Variants in OXR1 observed in about 807,000 individuals in gnomAD.
OXR1 encodes oxidation resistance protein 1.
A neutral mutation model predicts 104.6 loss-of-function variants in OXR1; 41 were observed. That is an observed-to-expected ratio of 0.39 (90% CI 0.31 to 0.51). The LOEUF is 0.51. Ranked by LOEUF, OXR1 falls within the 20% of genes least tolerant of loss-of-function variation. OXR1 has a pLI of 0.77. For synonymous variants in OXR1, 348 were observed against 348.4 expected, an observed-to-expected ratio of 1.00 and a Z score of 0.01; for missense variants, 955 against 1,031.9, an observed-to-expected ratio of 0.93 and a Z score of 1.02.
At position 106,684,309 on chromosome 8, in the gene OXR1, G is replaced by A. The variant is rs138903311; in HGVS notation, c.475G>A (p.Val159Ile). The change falls in exon 6 of 17, where the codon GTA (valine) becomes ATA (isoleucine). Residue 159 changes from valine to isoleucine, a missense_variant. By Grantham distance (29) the Val-to-Ile change is conservative. This residue lies in a region of OXR1 where 849 missense variants were observed against 852.9 expected (regional missense o/e 1.00). Coordinates refer to ENST00000517566, the MANE Select transcript of OXR1 (RefSeq NM_001198533.2). ...SVESSPSLSP[V>I]SPLSPTSSEA... The stretch of plus-strand genomic sequence containing the variant: ...TGAGAGCTCTCCATCTCTAAGCCCC[G>A]TAAGTCCTCTGTCACCAACATCATC... 8.1e-5 allele frequency: 130 copies of A among 1,610,370 alleles called. No homozygotes were observed. The African/African-American group carries it at 1.3e-3, about 16-fold the overall frequency.
chr8:106,458,765 A>G (rs987646190), intron 2 of OXR1, among the ~76,000 whole-genome samples: 6 of 152,186 alleles, frequency 3.9e-5, no homozygotes, highest in Non-Finnish European at 4.4e-5. Flanking sequence ...TTCTGGAACT[A>G]TGAGGCAATG....
intron 2 of OXR1, among the ~76,000 whole-genome samples, chr8:106,500,548 T>C (rs1297901629): frequency 6.6e-6 from 1 of 152,188 alleles, no homozygotes. Flanking sequence ...AAATTGTGCA[T>C]TCAGGGAGCT....
chr8:106,680,377 T>C (rs183100512), intron 4 of OXR1, among the ~76,000 whole-genome samples: 2 of 152,276 alleles, frequency 1.3e-5, no homozygotes, highest in African/African-American at 4.8e-5. Flanking sequence ...AATTTAGATA[T>C]ATACATGTTT....
chr8:106,316,846 TTTTA>T (rs778674973), intron 1 of OXR1, among the ~76,000 whole-genome samples: 1 of 151,866 alleles, frequency 6.6e-6, no homozygotes, highest in African/African-American at 2.4e-5. Flanking sequence ...TAAGGTCTGA[TTTTA>T]TTTATTTATT....
intron 3 of OXR1, among the ~76,000 whole-genome samples, chr8:106,617,260 T>G (rs567340612): frequency 6.6e-6 from 1 of 152,150 alleles, no homozygotes; most frequent in African/African-American, 2.4e-5. Context: ...CCATCTCTAC[T>G]AAAAATACAA....
intron 3 of OXR1, chr8:106,618,214 A>T (rs1821402281): frequency 1.3e-6 from 2 of 1,511,348 alleles, no homozygotes; most frequent in Non-Finnish European, 1.8e-6. Flanking sequence ...AGTGGCTTTA[A>T]ATAAGTTATT....
chr8:106,409,329 G>T (rs1818369038), intron 2 of OXR1, among the ~76,000 whole-genome samples: 1 of 152,144 alleles, frequency 6.6e-6, no homozygotes, highest in African/African-American at 2.4e-5. Flanking sequence ...GCTGGTCATT[G>T]TGGCTGGTGC....
At chr8:106,389,340 T>C (rs936090734) in intron 2 of OXR1, among the ~76,000 whole-genome samples, 31 of 152,364 alleles carry the variant, frequency 2.0e-4, no homozygotes, top group Middle Eastern at 3.4e-3. Flanking sequence ...AGTTAAATTC[T>C]GTGAAACGCC....
intron 1 of OXR1, among the ~76,000 whole-genome samples, chr8:106,317,642 C>T (rs750867740): frequency 2.6e-5 from 4 of 152,054 alleles, no homozygotes; most frequent in Non-Finnish European, 5.9e-5. Context: ...AACAGGGGGG[C>T]CCCTCTCCCA....
rs192305969 is a variant in OXR1 at position 106,383,271 on chromosome 8, A to G, written c.23+23635A>G. Among the ~76,000 whole-genome samples the G allele has an allele frequency of 1.0e-3, 158 of 152,284 alleles. 1 individual carries two copies. The highest frequency in any genetic ancestry group is 3.6e-3 in the African/African-American group (148 of 41,570). On this transcript the variant is annotated intron_variant, in intron 2 of 16. Coordinates refer to ENST00000517566, the MANE Select transcript of OXR1 (RefSeq NM_001198533.2). Reference sequence around the variant, plus strand: ...ATTAAAGTTGTTTTTATATTTCTCTATGTAAAGTTTCCATGAGTTTCACAT... The same window carrying G: ...ATTAAAGTTGTTTTTATATTTCTCTGTGTAAAGTTTCCATGAGTTTCACAT...
intron 3 of OXR1, among the ~76,000 whole-genome samples, chr8:106,580,284 A>C (rs1818137125): frequency 6.6e-6 from 1 of 152,156 alleles, no homozygotes; most frequent in Non-Finnish European, 1.5e-5. Context: ...GTTTCTATGA[A>C]TTTGACCACT....
rs548333476 is a variant in OXR1, at chr8:106,322,963, A to G, written c.-138-36513A>G. ...ATCATTAAAATGGCTATACTGCCCA[A>G]AGCAATTTATAGATTCAGTGCTATT... On this transcript the variant is annotated intron_variant, in intron 1 of 16. Coordinates refer to ENST00000517566, the MANE Select transcript of OXR1 (RefSeq NM_001198533.2). 4.6e-5 allele frequency among the ~76,000 whole-genome samples: 7 copies of G among 152,314 alleles called. No individual in the cohort carries two copies. The South Asian group carries it at 6.2e-4, about 14-fold the overall frequency.
chr8:106,717,665 T>C (rs1434405379), intron 11 of OXR1, among the ~76,000 whole-genome samples: 1 of 152,202 alleles, frequency 6.6e-6, no homozygotes, highest in South Asian at 2.1e-4. Context: ...TCATACACTA[T>C]TATATCTTCA....
intron 11 of OXR1, among the ~76,000 whole-genome samples, chr8:106,718,533 A>C (rs1022084271): frequency 6.6e-6 from 1 of 152,200 alleles, no homozygotes; most frequent in African/African-American, 2.4e-5. Flanking sequence ...TTTGTATGCC[A>C]CATGATAAAG....
intron 3 of OXR1, among the ~76,000 whole-genome samples, chr8:106,612,938 AACTATCTTCAG>A (rs1820925493): frequency 6.6e-6 from 1 of 152,134 alleles, no homozygotes; most frequent in African/African-American, 2.4e-5. Context: ...AACCCTGGTC[AACTATCTTCAG>A]AATCATAACT....
chr8:106,289,371 G>A (rs562028263), intron 1 of OXR1, among the ~76,000 whole-genome samples: 3 of 152,136 alleles, frequency 2.0e-5, no homozygotes, highest in East Asian at 3.9e-4. Flanking sequence ...CACCAATAAT[G>A]TCCAGGCTAA....
intron 3 of OXR1, among the ~76,000 whole-genome samples, chr8:106,595,733 GC>G (rs1484652444): frequency 6.6e-6 from 1 of 152,016 alleles, no homozygotes; most frequent in African/African-American, 2.4e-5. Context: ...AATCCCACAT[GC>G]CTCATAGAGA....
At chr8:106,533,357 G>C (rs1814231731) in intron 3 of OXR1, among the ~76,000 whole-genome samples, 1 of 152,186 alleles carries the variant, frequency 6.6e-6, no homozygotes, top group African/African-American at 2.4e-5. Context: ...AAGTACAAAA[G>C]AAGACGATTA....
chr8:106,493,393 A>G (rs1392730856), intron 2 of OXR1, among the ~76,000 whole-genome samples: 3 of 151,796 alleles, frequency 2.0e-5, no homozygotes, highest in African/African-American at 7.3e-5. Context: ...CATTTTACAC[A>G]CTTTGTTACC....
Sources: gnomAD v4.1 joint callset for allele counts (sites outside exome capture counted in the v4.1 genomes callset) on GRCh38, gnomAD v4.1.1 for gene constraint, gnomAD v4.1.1 regional missense constraint, MANE v1.5 for transcripts, NCBI Gene and HGNC (gene_info 2026-07-23, HGNC 2026-07-21) for gene names.